Variants in RRAS2 observed in about 807,000 individuals in gnomAD.
RRAS2 encodes the protein ras-related protein R-Ras2.
Under a neutral mutation model 27.6 loss-of-function variants are expected in RRAS2, and 7 were observed. The ratio of observed to expected loss-of-function variants is 0.25; its 90% CI spans 0.14 to 0.48. The LOEUF is 0.48. Ranked by LOEUF, RRAS2 falls within the 20% of genes least tolerant of loss-of-function variation. RRAS2 has a pLI of 0.99. For synonymous variants in RRAS2, 86 were observed against 90.9 expected (o/e 0.95, Z 0.31); for missense variants, 178 against 256.2 (o/e 0.69, Z 2.08).
chr11:14,338,539 T>G (rs1409381928), intron 1 of RRAS2, among the ~76,000 whole-genome samples: 1 of 152,204 alleles, frequency 6.6e-6, no homozygotes, highest in Non-Finnish European at 1.5e-5. Flanking sequence ...GTACTTTGTT[T>G]CAAGGTCAAG....
At chr11:14,353,081 G>A (rs1275355918) in intron 1 of RRAS2, among the ~76,000 whole-genome samples, 1 of 152,076 alleles carries the variant, frequency 6.6e-6, no homozygotes, top group Admixed American at 6.5e-5. Flanking sequence ...TTACAGGCAT[G>A]AGCCACCGTG....
intron 1 of RRAS2, among the ~76,000 whole-genome samples, chr11:14,301,855 T>C (rs1554947444): frequency 6.6e-6 from 1 of 152,058 alleles, no homozygotes; most frequent in African/African-American, 2.4e-5. Flanking sequence ...AGCGGGCACC[T>C]GTAGTCCCAG....
chr11:14,320,089 AG>A (rs1365236337), intron 1 of RRAS2, among the ~76,000 whole-genome samples: 5 of 152,300 alleles, frequency 3.3e-5, no homozygotes, highest in Admixed American at 6.5e-5. Flanking sequence ...TTGTTTATTA[AG>A]TTGTAGCACT....
At chr11:14,349,593 C>A (rs570436829) in intron 1 of RRAS2, among the ~76,000 whole-genome samples, 1 of 152,132 alleles carries the variant, frequency 6.6e-6, no homozygotes, top group African/African-American at 2.4e-5. Context: ...AACTGGCTCC[C>A]ATTTTCCACA....
At chr11:14,353,088 C>T (rs542858016) in intron 1 of RRAS2, among the ~76,000 whole-genome samples, 5 of 152,206 alleles carry the variant, frequency 3.3e-5, no homozygotes, top group South Asian at 4.1e-4. Flanking sequence ...CATGAGCCAC[C>T]GTGCCCAGCT....
rs1554943730 is a variant in RRAS2, at chr11:14,278,120, G to A, written c.*1217C>T. The A allele has an allele frequency of 6.6e-6, 1 of 152,222 alleles. No individual in the cohort carries two copies. The highest frequency in any genetic ancestry group is 1.5e-5 in the Non-Finnish European group (1 of 68,056). The allele number at this position is 152,222 out of a possible 1,614,324, so 9.4% of individuals were successfully genotyped here. On this transcript the variant is annotated 3_prime_UTR_variant, in exon 6 of 6. Transcript: ENST00000256196. ...AAAACAAAATCAGATGCCATCCACA[G>A]TTATACTAATTATCCATTAAAAGCT...
chr11:14,310,312 G>A (rs1321280739), intron 1 of RRAS2, among the ~76,000 whole-genome samples: 5 of 152,148 alleles, frequency 3.3e-5, no homozygotes, highest in Non-Finnish European at 5.9e-5. Context: ...TGAGAAGGTG[G>A]GGCTGAAGAC....
At chr11:14,315,173 T>C (rs1251499296) in intron 1 of RRAS2, among the ~76,000 whole-genome samples, 1 of 152,086 alleles carries the variant, frequency 6.6e-6, no homozygotes, top group East Asian at 1.9e-4. Context: ...AAGAATACAA[T>C]ATGGAAAAGG....
intron 4 of RRAS2, among the ~76,000 whole-genome samples, chr11:14,289,593 T>TA (rs1849753710): frequency 1.3e-5 from 2 of 152,214 alleles, no homozygotes; most frequent in Non-Finnish European, 2.9e-5. Context: ...CTGGTAATAC[T>TA]AAACAACCAC....
intron 1 of RRAS2, among the ~76,000 whole-genome samples, chr11:14,298,261 A>G (rs1335915361): frequency 1.3e-5 from 2 of 152,218 alleles, no homozygotes; most frequent in African/African-American, 2.4e-5. Context: ...CTGATGCCTA[A>G]AAGTGCTACA....
rs1849126033 is a variant in RRAS2, at chr11:14,358,338, G to A, written c.108+425C>T. The stretch of plus-strand genomic sequence containing the variant: ...CCGCGGCCAAGTTGCCACCGCTATC[G>A]CCCCGACGGTGAAGGCGCGGCCGCA... On this transcript the variant is annotated intron_variant, in intron 1 of 5. Coordinates refer to ENST00000256196, the MANE Select transcript of RRAS2 (RefSeq NM_012250.6). The surrounding 1 kb of genome is among the most constrained non-coding windows in gnomAD (Gnocchi z 5.1). The A allele has an allele frequency of 5.1e-6, 5 of 985,594 alleles. No homozygotes were observed. The Admixed American group carries it at 1.8e-4, about 36-fold the overall frequency. 61.1% of individuals were successfully genotyped at this position (985,594 alleles called of 1,614,324 possible). A position where few individuals can be genotyped will look rare whatever the true frequency, so the allele number is the denominator to read the frequency against.
Position 14,358,140 on chromosome 11 carries a change from A to T in RRAS2, c.108+623T>A, listed in dbSNP as rs1448410791. 2.4e-6 allele frequency: 2 copies of T among 825,426 alleles called. No individual in the cohort carries two copies. The highest frequency in any genetic ancestry group is 2.9e-6 in the Non-Finnish European group (2 of 684,220). The allele number at this position is 825,426 out of a possible 1,614,324, so 51.1% of individuals were successfully genotyped here. A position where few individuals can be genotyped will look rare whatever the true frequency, so the allele number is the denominator to read the frequency against. Reference sequence around the variant, plus strand: ...TCTCACCCCATCAGAGAACATTTTTAACTTCCTAGAAGCCACCATTTCCCC... The same window carrying T: ...TCTCACCCCATCAGAGAACATTTTTTACTTCCTAGAAGCCACCATTTCCCC... On this transcript the variant is annotated intron_variant, in intron 1 of 5. Coordinates refer to ENST00000256196, the MANE Select transcript of RRAS2 (RefSeq NM_012250.6). This position sits in a 1 kb window ranked among gnomAD's most constrained non-coding sequence, Gnocchi z 5.1.
At chr11:14,347,140 A>G (rs1554954156) in intron 1 of RRAS2, among the ~76,000 whole-genome samples, 1 of 152,200 alleles carries the variant, frequency 6.6e-6, no homozygotes, top group African/African-American at 2.4e-5. Flanking sequence ...TCCCGCTTGG[A>G]CAACAGAGCA....
chr11:14,281,879 C>T lies in RRAS2; in HGVS notation c.409-159G>A, dbSNP rs782106986. On this transcript the variant is annotated intron_variant, in intron 4 of 5. Transcript: ENST00000256196. ...TAACAGCTCAAGATAAACTAAAGCC[C>T]ACCTCTGCAGAACAATGCAGAAGAA... Among the ~76,000 whole-genome samples, 21 of 152,170 alleles carry T rather than the reference C, an allele frequency of 1.4e-4. 1 individual carries two copies. Among genetic ancestry groups the T allele is most frequent in the Non-Finnish European group, 2.8e-4 (19 of 68,036 alleles).
At position 14,281,658 on chromosome 11, in the gene RRAS2, T is replaced by G; in HGVS notation, c.471A>C (p.Ser157=). ...GATCTACATTCATCCTAATCTTTGC[T>G]GATGCCTCCATGTATGTTACCTTAA... ...RQLKVTYMEA[S]AKIRMNVDQA... Residue 157 remains serine (S), a synonymous_variant, in exon 5 of 6, where the codon TCA becomes TCC. Coordinates refer to ENST00000256196, the MANE Select transcript of RRAS2 (RefSeq NM_012250.6). 1 of 1,598,236 alleles carries G rather than the reference T, an allele frequency of 6.3e-7. No homozygotes were observed. The highest frequency in any genetic ancestry group is 8.5e-7 in the Non-Finnish European group (1 of 1,175,260).
intron 5 of RRAS2, among the ~76,000 whole-genome samples, chr11:14,280,245 A>G (rs1464878579): frequency 2.6e-5 from 4 of 151,990 alleles, no homozygotes; most frequent in Non-Finnish European, 4.4e-5. Flanking sequence ...CCATCTCCAG[A>G]TCTCTTTTTC....
chr11:14,308,251 AC>A (rs1252328714), intron 1 of RRAS2: 1 of 449,834 alleles, frequency 2.2e-6, no homozygotes, highest in Admixed American at 2.4e-5. Flanking sequence ...TGGAAGGAAA[AC>A]AATTCTTGTA....
chr11:14,351,841 G>T (rs1554954836), intron 1 of RRAS2, among the ~76,000 whole-genome samples: 1 of 147,622 alleles, frequency 6.8e-6, no homozygotes, highest in East Asian at 2.0e-4. Flanking sequence ...GTTGCAATGA[G>T]CCGAGATTGT....
intron 1 of RRAS2, among the ~76,000 whole-genome samples, chr11:14,329,174 G>C (rs750673382): frequency 2.0e-5 from 3 of 151,404 alleles, no homozygotes; most frequent in African/African-American, 7.3e-5. Flanking sequence ...CCAATGGCGC[G>C]ATCTCAGCTC....
Sources: gnomAD v4.1 joint callset for allele counts (sites outside exome capture counted in the v4.1 genomes callset) on GRCh38, gnomAD v4.1.1 for gene constraint, Gnocchi (gnomAD v3.1) non-coding constraint, MANE v1.5 for transcripts, NCBI Gene and HGNC (gene_info 2026-07-23, HGNC 2026-07-21) for gene names.